The following GPC5 variants were observed in gnomAD, a reference collection of about 807,000 sequenced individuals.
GPC5 encodes glypican 5, also known as glypican-5.
GPC5 carries 47 observed loss-of-function variants against 53.9 expected under a neutral mutation model. The observed-to-expected ratio is 0.87, with a 90% CI of 0.69 to 1.11. The LOEUF (loss-of-function observed/expected upper bound fraction) is 1.11. GPC5 is among the 50% of genes most tolerant of loss of function. The probability of loss-of-function intolerance (pLI) is 0.00; values close to 1 mark genes in which losing one functional copy is unlikely to be tolerated. For missense variants in GPC5, 748 were observed against 713.1 expected (o/e 1.05, Z -0.56); for synonymous variants, 286 against 263.3 (o/e 1.09, Z -0.84).
At chr13:91,915,851 C>T (rs1279005873) in intron 6 of GPC5, among the ~76,000 whole-genome samples, 1 of 152,058 alleles carries the variant, frequency 6.6e-6, no homozygotes, top group Admixed American at 6.6e-5. Context: ...AAGTGTTCAG[C>T]ATTTTAATTT....
At chr13:91,567,984 C>G (rs886720565) in intron 2 of GPC5, among the ~76,000 whole-genome samples, 2 of 152,074 alleles carry the variant, frequency 1.3e-5, no homozygotes, top group African/African-American at 4.8e-5. Context: ...TGAGTTCTCA[C>G]GAGATCTGAT....
chr13:91,830,013 G>C (rs891858476), intron 5 of GPC5, among the ~76,000 whole-genome samples: 1 of 152,064 alleles, frequency 6.6e-6, no homozygotes, highest in African/African-American at 2.4e-5. Flanking sequence ...ACAGGGTTTT[G>C]AGAGCAACCG....
chr13:92,391,375 TGTGA>T (rs1271579687), intron 7 of GPC5, among the ~76,000 whole-genome samples: 1 of 152,122 alleles, frequency 6.6e-6, no homozygotes, highest in Non-Finnish European at 1.5e-5. Context: ...ATTATACTAT[TGTGA>T]GTAATAGGCT....
intron 6 of GPC5, among the ~76,000 whole-genome samples, chr13:91,921,297 T>G (rs562762457): frequency 5.3e-5 from 8 of 152,018 alleles, no homozygotes; most frequent in African/African-American, 1.7e-4. Flanking sequence ...AACTAAGAAA[T>G]AAGAAGATAT....
At chr13:91,689,184 A>AT (rs2035689685) in intron 2 of GPC5, among the ~76,000 whole-genome samples, 2 of 49,590 alleles carry the variant, frequency 4.0e-5, no homozygotes, top group African/African-American at 6.7e-5. Context: ...ATCATATATA[A>AT]ATATATATAT....
intron 6 of GPC5, among the ~76,000 whole-genome samples, chr13:92,125,034 C>A (rs529544256): frequency 6.6e-6 from 1 of 152,200 alleles, no homozygotes; most frequent in South Asian, 2.1e-4. Context: ...TCTTGCTCAC[C>A]ACCCCCAACT....
At chr13:92,758,180 T>G (rs1474803291) in intron 7 of GPC5, among the ~76,000 whole-genome samples, 1 of 149,838 alleles carries the variant, frequency 6.7e-6, no homozygotes, top group Non-Finnish European at 1.5e-5. Context: ...ATGTCCTTTG[T>G]AGGGACATGG....
At chr13:92,579,010 C>G (rs1883277944) in intron 7 of GPC5, among the ~76,000 whole-genome samples, 1 of 152,108 alleles carries the variant, frequency 6.6e-6, no homozygotes, top group Non-Finnish European at 1.5e-5. Flanking sequence ...GGAAAATTAA[C>G]TGCAATAGTA....
chr13:92,252,447 T>C (rs1212987496), intron 7 of GPC5, among the ~76,000 whole-genome samples: 2 of 152,078 alleles, frequency 1.3e-5, no homozygotes, highest in South Asian at 4.1e-4. Context: ...AGCATTAATA[T>C]GAAACTAGAA....
intron 6 of GPC5, among the ~76,000 whole-genome samples, chr13:91,991,343 A>G (rs900272380): frequency 1.3e-5 from 2 of 152,256 alleles, no homozygotes; most frequent in South Asian, 2.1e-4. Flanking sequence ...TGTCAGAGAC[A>G]TAATCTGTTT....
chr13:92,110,177 G>T (rs1261036426), intron 6 of GPC5, among the ~76,000 whole-genome samples: 1 of 152,060 alleles, frequency 6.6e-6, no homozygotes, highest in Non-Finnish European at 1.5e-5. Flanking sequence ...CACAGGATTG[G>T]CTCTATCTTA....
At chr13:91,550,549 T>C (rs1423987101) in intron 2 of GPC5, among the ~76,000 whole-genome samples, 1 of 152,144 alleles carries the variant, frequency 6.6e-6, no homozygotes, top group Non-Finnish European at 1.5e-5. Flanking sequence ...GAGTTAAGGA[T>C]ACATTTACTC....
intron 5 of GPC5, among the ~76,000 whole-genome samples, chr13:91,845,809 A>T (rs1033158137): frequency 7.2e-5 from 11 of 152,188 alleles, no homozygotes. Flanking sequence ...TCCTGAAGAG[A>T]TAAAACTTGG....
intron 2 of GPC5, among the ~76,000 whole-genome samples, chr13:91,617,152 T>G (rs2139342407): frequency 6.6e-6 from 1 of 152,280 alleles, no homozygotes; most frequent in East Asian, 1.9e-4. Flanking sequence ...ATCAATTAAA[T>G]GTCATCATAC....
At chr13:91,629,694 T>G (rs2034106357) in intron 2 of GPC5, among the ~76,000 whole-genome samples, 1 of 152,052 alleles carries the variant, frequency 6.6e-6, no homozygotes, top group Non-Finnish European at 1.5e-5. Context: ...TAAAAGGCAT[T>G]TAAACATATA....
chr13:92,587,958 G>A (rs1359762198), intron 7 of GPC5, among the ~76,000 whole-genome samples: 3 of 151,814 alleles, frequency 2.0e-5, no homozygotes, highest in Non-Finnish European at 1.5e-5. Context: ...TGCTGAACAT[G>A]CAGGTTTTTT....
intron 7 of GPC5, among the ~76,000 whole-genome samples, chr13:92,827,144 G>C (rs941694801): frequency 6.6e-6 from 1 of 152,026 alleles, no homozygotes; most frequent in African/African-American, 2.4e-5. Context: ...AAAATCATGT[G>C]GGGGAGAGAG....
chr13:91,456,035 C>G (rs1242183004), intron 2 of GPC5, among the ~76,000 whole-genome samples: 1 of 152,140 alleles, frequency 6.6e-6, no homozygotes, highest in African/African-American at 2.4e-5. Flanking sequence ...CTCATTCTCT[C>G]TGGCCCAGAG....
intron 6 of GPC5, among the ~76,000 whole-genome samples, chr13:92,108,895 A>G (rs1219426560): frequency 6.6e-6 from 1 of 151,988 alleles, no homozygotes; most frequent in Admixed American, 6.6e-5. Flanking sequence ...TCGTATGTAA[A>G]TTACTCCTAA....
Sources: allele counts gnomAD v4.1 joint callset (sites outside exome capture counted in the v4.1 genomes callset), GRCh38; gene constraint gnomAD v4.1.1; transcripts MANE v1.5; gene names NCBI Gene and HGNC (gene_info 2026-07-23, HGNC 2026-07-21).